The following NUP188 variants were observed in gnomAD, a reference collection of about 807,000 sequenced individuals.
NUP188 encodes the protein nucleoporin 188.
A neutral mutation model predicts 223.0 loss-of-function variants in NUP188; 97 were observed. The ratio of observed to expected loss-of-function variants is 0.43; its 90% CI spans 0.37 to 0.51. NUP188 has a LOEUF of 0.51. Among genes scored for constraint, NUP188 ranks in the 20% least tolerant of loss-of-function variants. The pLI is 0.00. For synonymous variants in NUP188, 869 were observed against 828.0 expected, an observed-to-expected ratio of 1.05 and a Z score of -0.85; for missense variants, 1,947 against 2,175.6, an observed-to-expected ratio of 0.89 and a Z score of 2.09.
chr9:129,006,121 A>T lies in NUP188; in HGVS notation c.4941A>T (p.Leu1647Phe), dbSNP rs1387051726. Reference protein sequence around the residue: ...LSTQAEGTRTLKSLLMFTMEN... With the variant: ...LSTQAEGTRTFKSLLMFTMEN... Reference sequence around the variant, plus strand: ...CACAGGCAGAAGGGACCAGGACGTTAAAGTAAGTGCTCTTTCTGGGATTTG... The same window carrying T: ...CACAGGCAGAAGGGACCAGGACGTTTAAGTAAGTGCTCTTTCTGGGATTTG... Residue 1647 changes from leucine (L) to phenylalanine (F), a missense_variant and splice_region_variant, in exon 42 of 44, where the codon TTA (leucine) becomes TTT (phenylalanine). Physicochemically the swap from Leu to Phe is conservative, Grantham distance 22. This residue lies in a region of NUP188 where 905 missense variants were observed against 990.6 expected (regional missense o/e 0.91). Coordinates refer to ENST00000372577, the MANE Select transcript of NUP188 (RefSeq NM_015354.3). 28 of 1,614,026 alleles carry T rather than the reference A, an allele frequency of 1.7e-5. No individual in the cohort carries two copies. The highest frequency in any genetic ancestry group is 2.4e-5 in the Non-Finnish European group (28 of 1,180,024).
In NUP188 at chr9:128,980,684, C is replaced by A. The variant is rs149287505; in HGVS notation, c.1348C>A (p.Leu450Met). 10 of 1,614,036 alleles carry A rather than the reference C, an allele frequency of 6.2e-6. No homozygotes were observed. The highest frequency in any genetic ancestry group is 7.6e-6 in the Non-Finnish European group (9 of 1,180,018). ...CCACCTTCTCTCCCCACTCCTGCAACTGCTCCGAGCCCTGGTATCAGGGAA... is the reference window on the plus strand; with the variant it reads ...CCACCTTCTCTCCCCACTCCTGCAAATGCTCCGAGCCCTGGTATCAGGGAA... ...FPHLLSPLLQ[L>M]LRALVSGKST... Residue 450 changes from leucine (L) to methionine (M), a missense_variant, in exon 14 of 44, where the codon CTG becomes ATG. Leu to Met is a conservative substitution (Grantham distance 15). This residue lies in a region of NUP188 where 817 missense variants were observed against 865.8 expected (regional missense o/e 0.94). Coordinates refer to ENST00000372577, the MANE Select transcript of NUP188 (RefSeq NM_015354.3).
rs774140074 is a variant in NUP188 at position 128,986,837 on chromosome 9, G to A, written c.2226G>A (p.Ala742=). The change falls in exon 22 of 44, where the codon GCG becomes GCA. Residue 742 remains alanine (A), a synonymous_variant. Transcript: ENST00000372577. ...GCCTGATCTTGGAGCTGATTCATGC[G>A]ATACTGAACCTGTGCCACGAGACAG... The part of the protein sequence containing the change: ...IGCLILELIH[A]ILNLCHETDL... 18 of 1,613,992 alleles carry A rather than the reference G, an allele frequency of 1.1e-5. No homozygotes were observed. The highest frequency in any genetic ancestry group is 6.7e-5 in the East Asian group (3 of 44,892).
At position 128,979,295 on chromosome 9, in the gene NUP188, G is replaced by A. The variant is rs374164141; in HGVS notation, c.1237G>A (p.Asp413Asn). 50 of 1,612,054 alleles carry A rather than the reference G, an allele frequency of 3.1e-5. No individual in the cohort carries two copies. The highest frequency in any genetic ancestry group is 4.1e-5 in the Non-Finnish European group (48 of 1,178,704). The change falls in exon 13 of 44, where the codon GAC (aspartate) becomes AAC (asparagine). Residue 413 changes from aspartate (D) to asparagine (N), a missense_variant. Around this residue, in one of 3 missense-constraint regions of NUP188, gnomAD observed 817 missense variants for 865.8 expected, o/e 0.94. Transcript: ENST00000372577. ...TGATACAGCATGTGAAGTATTGGCC[G>A]ACCCTTCTCTTCCGGAACTGTTCTG... Reference protein sequence around the residue: ...IIDTACEVLADPSLPELFWGT... With the variant: ...IIDTACEVLANPSLPELFWGT...
In NUP188 at chr9:129,004,322, AAC is replaced by A. The variant is rs1236423013; in HGVS notation, c.4435-817_4435-816del. Among the ~76,000 whole-genome samples the A allele has an allele frequency of 2.0e-3, 298 of 151,982 alleles. 2 individuals carry two copies. Among genetic ancestry groups the A allele is most frequent in the African/African-American group, 6.7e-3 (279 of 41,504 alleles). Reference sequence around the variant, plus strand: ...AAACTAAACTAAACAAAACCAAAAAAACACACACAACTGGAGCTGGGAACCAG... The same window carrying A: ...AAACTAAACTAAACAAAACCAAAAAAACACACAACTGGAGCTGGGAACCAG... On this transcript the variant is annotated intron_variant, in intron 38 of 43. Coordinates refer to ENST00000372577, the MANE Select transcript of NUP188 (RefSeq NM_015354.3).
At position 128,958,766 on chromosome 9, in the gene NUP188, A is replaced by G. The variant is rs774204978; in HGVS notation, c.373-36A>G. 9 of 1,229,936 alleles carry G rather than the reference A, an allele frequency of 7.3e-6. No individual in the cohort carries two copies. The African/African-American group carries it at 1.0e-4, about 14-fold the overall frequency. The allele number at this position is 1,229,936 out of a possible 1,614,324, so 76.2% of individuals were successfully genotyped here. On this transcript the variant is annotated intron_variant, in intron 6 of 43. Coordinates refer to ENST00000372577, the MANE Select transcript of NUP188 (RefSeq NM_015354.3). The stretch of plus-strand genomic sequence containing the variant: ...TTAAACTTGAGTTTCCTATGTGCAA[A>G]GGTGAGTAACTGATTTTGAATTTTG...
intron 24 of NUP188, among the ~76,000 whole-genome samples, chr9:128,989,104 T>C (rs1842379603): frequency 6.6e-6 from 1 of 151,950 alleles, no homozygotes; most frequent in Non-Finnish European, 1.5e-5. Context: ...AATAAGATTA[T>C]AATAAAGGGC....
chr9:128,957,179 A>T (rs1042731799), intron 5 of NUP188, 147 bp downstream of exon 5: 1 of 546,274 alleles, frequency 1.8e-6, no homozygotes, highest in African/African-American at 1.9e-5. Context: ...TAAAGGCTTT[A>T]AAAAAAACAT....
intron 1 of NUP188, 100 bp from the exon 2 acceptor site, chr9:128,949,089 G>T: frequency 1.3e-6 from 1 of 771,016 alleles, no homozygotes; most frequent in Non-Finnish European, 2.2e-6. Flanking sequence ...TGTATATTGA[G>T]ATTTTTTGCT....
intron 8 of NUP188, among the ~76,000 whole-genome samples, chr9:128,961,285 G>A (rs950077334): frequency 4.8e-5 from 7 of 146,718 alleles, no homozygotes; most frequent in African/African-American, 1.8e-4. Context: ...AGCCGAGATT[G>A]CACCACTGCA....
intron 23 of NUP188, 111 bp downstream of exon 23, chr9:128,987,828 TC>T: frequency 7.1e-7 from 1 of 1,415,690 alleles, no homozygotes; most frequent in South Asian, 1.3e-5. Context: ...ACATTGTTCT[TC>T]CTAGGACATA....
rs534424893 is a variant in NUP188, at chr9:128,947,815, G to A, written c.32+64G>A. 25 of 1,320,900 alleles carry A rather than the reference G, an allele frequency of 1.9e-5. No homozygotes were observed. The East Asian group carries it at 6.2e-4, about 33-fold the overall frequency. The allele number at this position is 1,320,900 out of a possible 1,614,324, so 81.8% of individuals were successfully genotyped here. On this transcript the variant is annotated intron_variant, in intron 1 of 43. Coordinates refer to ENST00000372577, the MANE Select transcript of NUP188 (RefSeq NM_015354.3). ...CGCGGTGTCAAAGCCGAGCGGAAGC[G>A]GGGCGGGAATTGGAGGCGGGATGTG...
chr9:128,993,417 C>G lies in NUP188; in HGVS notation c.2847+14C>G. On this transcript the variant is annotated intron_variant, in intron 26 of 43. Transcript: ENST00000372577. Reference sequence around the variant, plus strand: ...GATGGCTCAAAGGTAAGCCTGTAACCTGGGATGACACTGGGAGTTGGCTCA... The same window carrying G: ...GATGGCTCAAAGGTAAGCCTGTAACGTGGGATGACACTGGGAGTTGGCTCA... 6.2e-7 allele frequency: 1 copy of G among 1,613,848 alleles called. No homozygotes were observed. Among genetic ancestry groups the G allele is most frequent in the Non-Finnish European group, 8.5e-7 (1 of 1,179,772 alleles).
At chr9:128,999,423 T>C (rs1842596456) in intron 33 of NUP188, 106 bp downstream of exon 33, 1 of 1,455,244 alleles carries the variant, frequency 6.9e-7, no homozygotes, top group Non-Finnish European at 9.3e-7. Flanking sequence ...TCTGGGACTT[T>C]TGAGTTTCCA....
At position 128,970,866 on chromosome 9, in the gene NUP188, G is replaced by A. The variant is rs202174281; in HGVS notation, c.1021G>A (p.Val341Met). 76 of 1,614,172 alleles carry A rather than the reference G, an allele frequency of 4.7e-5. No individual in the cohort carries two copies. In the African/African-American group the frequency reaches 8.5e-4, roughly 18 times the overall value. ...TCTGAACCCAGAAGAGACAAGCAGT[G>A]TGGTCCGGAAGATAGGTGGCACAGC... ...HTLNPEETSS[V>M]VRKIGGTAIQ... is the part of the protein sequence containing the mutation. Residue 341 changes from valine to methionine, a missense_variant, in exon 11 of 44, where the codon GTG (valine) becomes ATG (methionine). Val to Met is a conservative substitution (Grantham distance 21, BLOSUM62 1). This residue lies in a region of NUP188 where 817 missense variants were observed against 865.8 expected (regional missense o/e 0.94). Coordinates refer to ENST00000372577, the MANE Select transcript of NUP188 (RefSeq NM_015354.3).
intron 5 of NUP188, among the ~76,000 whole-genome samples, chr9:128,957,626 G>A (rs948954444): frequency 1.3e-5 from 2 of 152,032 alleles, no homozygotes; most frequent in East Asian, 1.9e-4. Context: ...CACCACGCCC[G>A]GCTAATTTTT....
At chr9:128,991,265 C>T (rs1460960865) in intron 25 of NUP188, among the ~76,000 whole-genome samples, 4 of 150,054 alleles carry the variant, frequency 2.7e-5, no homozygotes, top group South Asian at 4.2e-4. Flanking sequence ...ATCGGCTGGG[C>T]GCTGTGGCTC....
chr9:128,996,605 C>G (rs1842530555), intron 30 of NUP188, among the ~76,000 whole-genome samples: 1 of 152,132 alleles, frequency 6.6e-6, no homozygotes, highest in Admixed American at 6.5e-5. Flanking sequence ...GCTACTCTTG[C>G]TGTGGCATGG....
intron 3 of NUP188, among the ~76,000 whole-genome samples, chr9:128,954,575 A>G (rs1217642529): frequency 6.6e-6 from 1 of 151,538 alleles, no homozygotes; most frequent in East Asian, 2.0e-4. Context: ...TAGTAGAGAC[A>G]GGGTTTCACT....
At chr9:128,954,282 T>G (rs1841837708) in intron 3 of NUP188, among the ~76,000 whole-genome samples, 1 of 151,552 alleles carries the variant, frequency 6.6e-6, no homozygotes, top group Non-Finnish European at 1.5e-5. Context: ...TGGCACGATC[T>G]CGGCTCACTG....
Sources: allele counts gnomAD v4.1 joint callset (sites outside exome capture counted in the v4.1 genomes callset), GRCh38; gene constraint gnomAD v4.1.1; regional missense constraint gnomAD v4.1.1; transcripts MANE v1.5; gene names NCBI Gene and HGNC (gene_info 2026-07-23, HGNC 2026-07-21).